The following TRAF3 variants were observed in gnomAD, a reference collection of about 807,000 sequenced individuals.
TRAF3 encodes the protein TNF receptor associated factor 3.
Under a neutral mutation model 62.3 loss-of-function variants are expected in TRAF3, and 13 were observed. That is an observed-to-expected ratio of 0.21 (90% CI 0.14 to 0.33). TRAF3 has a LOEUF of 0.33. Among genes scored for constraint, TRAF3 ranks in the 10% least tolerant of loss-of-function variants. The pLI is 1.00. For missense variants in TRAF3, 440 were observed against 741.8 expected (o/e 0.59, Z 4.73); for synonymous variants, 269 against 283.4 (o/e 0.95, Z 0.51).
chr14:102,782,350 TA>T (rs1052732453), intron 1 of TRAF3, among the ~76,000 whole-genome samples: 1 of 151,902 alleles, frequency 6.6e-6, no homozygotes, highest in African/African-American at 2.4e-5. Context: ...GCTCCTGCCT[TA>T]GCCTCCTAAG....
chr14:102,813,150 T>A (rs1381295212), intron 1 of TRAF3, among the ~76,000 whole-genome samples: 3 of 105,294 alleles, frequency 2.8e-5, no homozygotes, highest in African/African-American at 8.3e-5. Flanking sequence ...TAATTTTGTA[T>A]TTTTAGTAGA....
chr14:102,817,946 C>T (rs1254067861), intron 1 of TRAF3, among the ~76,000 whole-genome samples: 1 of 152,090 alleles, frequency 6.6e-6, no homozygotes, highest in Non-Finnish European at 1.5e-5. Context: ...TCCATTTGTG[C>T]ATCTTAATAG....
At chr14:102,842,129 A>G (rs1021700289) in intron 2 of TRAF3, among the ~76,000 whole-genome samples, 13 of 151,916 alleles carry the variant, frequency 8.6e-5, no homozygotes, top group South Asian at 4.2e-4. Context: ...CTGTAATCCC[A>G]GCTACTCGGG....
chr14:102,895,975 C>T (rs543780130), intron 9 of TRAF3, among the ~76,000 whole-genome samples: 22 of 152,252 alleles, frequency 1.4e-4, no homozygotes, highest in East Asian at 5.8e-4. Flanking sequence ...ATTCTCGTCA[C>T]GCTCTCATTA....
Position 102,911,164 on chromosome 14 carries a change from A to G in TRAF3, c.*5380A>G, listed in dbSNP as rs1312845908. 3.3e-5 allele frequency: 5 copies of G among 152,212 alleles called. No homozygotes were observed. The highest frequency in any genetic ancestry group is 1.2e-4 in the African/African-American group (5 of 41,460). 9.4% of individuals were successfully genotyped at this position (152,212 alleles called of 1,614,324 possible). ...TAGTAGCCGCTTGCTGTGAAGACACATCTTGACAGTCCAAGTGATTTTGTG... is the reference window on the plus strand; with the variant it reads ...TAGTAGCCGCTTGCTGTGAAGACACGTCTTGACAGTCCAAGTGATTTTGTG... On this transcript the variant is annotated 3_prime_UTR_variant, in exon 12 of 12. Coordinates refer to ENST00000392745, the MANE Select transcript of TRAF3 (RefSeq NM_145725.3).
chr14:102,812,140 T>C (rs1899220237), intron 1 of TRAF3, among the ~76,000 whole-genome samples: 1 of 151,832 alleles, frequency 6.6e-6, no homozygotes, highest in Non-Finnish European at 1.5e-5. Context: ...TCTAGCTCTC[T>C]CCCCATTTTT....
rs958158682 is a variant in TRAF3, at chr14:102,826,733, C to T, written c.-156-3601C>T. ...CACCTCACACCTGTTCAGGGTCCGG[C>T]TGGGCTCTGGACATAGGGTGGAAGA... On this transcript the variant is annotated intron_variant, in intron 1 of 11. Transcript: ENST00000392745. The surrounding 1 kb of genome is among the most constrained non-coding windows in gnomAD (Gnocchi z 4.6). Among the ~76,000 whole-genome samples the T allele has an allele frequency of 6.6e-6, 1 of 152,182 alleles. No homozygotes were observed. Among genetic ancestry groups the T allele is most frequent in the African/African-American group, 2.4e-5 (1 of 41,444 alleles).
At chr14:102,840,785 T>A (rs1886330757) in intron 2 of TRAF3, among the ~76,000 whole-genome samples, 1 of 152,192 alleles carries the variant, frequency 6.6e-6, no homozygotes, top group Non-Finnish European at 1.5e-5. Context: ...CTTAAACAAC[T>A]TGAAAACCAG....
intron 1 of TRAF3, among the ~76,000 whole-genome samples, chr14:102,800,904 C>T (rs921422064): frequency 7.2e-5 from 11 of 152,014 alleles, no homozygotes; most frequent in East Asian, 3.9e-4. Flanking sequence ...TCTGGCCGGG[C>T]GCGGTGGCTC....
At chr14:102,845,980 CAAAAA>C (rs35353834) in intron 2 of TRAF3, among the ~76,000 whole-genome samples, 6,893 of 57,022 alleles carry the variant, frequency 0.12, 775 homozygotes, top group African/African-American at 0.31. Context: ...GACCGTGTCT[CAAAAA>C]AAAAAAAAAA....
chr14:102,855,514 G>A (rs1045376201), intron 2 of TRAF3, among the ~76,000 whole-genome samples: 2 of 152,030 alleles, frequency 1.3e-5, no homozygotes, highest in Non-Finnish European at 2.9e-5. Flanking sequence ...AAAAATTATA[G>A]GCCAGGCGCA....
chr14:102,861,758 T>C (rs951351797), intron 2 of TRAF3, among the ~76,000 whole-genome samples: 27 of 152,232 alleles, frequency 1.8e-4, no homozygotes, highest in Admixed American at 5.2e-4. Flanking sequence ...AAGTGGCTAC[T>C]CAATAGGCAG....
At chr14:102,817,370 T>A (rs905765012) in intron 1 of TRAF3, among the ~76,000 whole-genome samples, 1 of 152,064 alleles carries the variant, frequency 6.6e-6, no homozygotes, top group African/African-American at 2.4e-5. Flanking sequence ...GTTAACAGCT[T>A]CTTGAAAGAG....
In TRAF3 at chr14:102,886,276, G is replaced by GCGGCCGGGCC; in HGVS notation, c.651+16_651+25dup. ...GACTCTCCTGAGGAGCGAGGTAGGG[G>GCGGCCGGGCC]CGGCCGGGCCCGGCCGGGAGTCTGT... On this transcript the variant is annotated splice_region_variant and intron_variant, in intron 7 of 11. Coordinates refer to ENST00000392745, the MANE Select transcript of TRAF3 (RefSeq NM_145725.3). The GCGGCCGGGCC allele has an allele frequency of 6.2e-7, 1 of 1,608,394 alleles. No homozygotes were observed. Among genetic ancestry groups the GCGGCCGGGCC allele is most frequent in the East Asian group, 2.2e-5 (1 of 44,798 alleles).
chr14:102,905,170 CG>C, intron 11 of TRAF3, 42 bp from the exon 12 acceptor site: 1 of 1,575,284 alleles, frequency 6.3e-7, no homozygotes, highest in Non-Finnish European at 8.7e-7. Flanking sequence ...ACCTCTCTGA[CG>C]TTCACCTGTC....
intron 2 of TRAF3, among the ~76,000 whole-genome samples, chr14:102,834,349 C>T (rs1384283731): frequency 6.6e-6 from 1 of 152,092 alleles, no homozygotes; most frequent in East Asian, 1.9e-4. Flanking sequence ...GAAAGGACTC[C>T]CTATTCAATC....
At chr14:102,895,235 C>CAAGG in intron 9 of TRAF3, 2 of 375,132 alleles carry the variant, frequency 5.3e-6, no homozygotes, top group Middle Eastern at 3.6e-4. Context: ...ACGTATGAGG[C>CAAGG]AAGGAAGGAA....
At chr14:102,876,084 G>A (rs574562734) in intron 5 of TRAF3, among the ~76,000 whole-genome samples, 1 of 152,140 alleles carries the variant, frequency 6.6e-6, no homozygotes, top group Non-Finnish European at 1.5e-5. Flanking sequence ...AAAATTATTT[G>A]AACTGGAATA....
chr14:102,785,376 T>C lies in TRAF3; in HGVS notation c.-157+7701T>C, dbSNP rs573297113. 1.3e-4 allele frequency among the ~76,000 whole-genome samples: 20 copies of C among 152,362 alleles called. No individual in the cohort carries two copies. In the South Asian group the frequency reaches 3.9e-3, roughly 30 times the overall value. On this transcript the variant is annotated intron_variant, in intron 1 of 11. Transcript: ENST00000392745. ...GGCTCAGATGCTTCTTACAGCTTGC[T>C]GAGTAACAGTCCCTAACCTGATTTG... is the stretch of plus-strand genomic sequence containing the variant.
Sources: gnomAD v4.1 joint callset for allele counts (sites outside exome capture counted in the v4.1 genomes callset) on GRCh38, gnomAD v4.1.1 for gene constraint, Gnocchi (gnomAD v3.1) non-coding constraint, MANE v1.5 for transcripts, NCBI Gene and HGNC (gene_info 2026-07-23, HGNC 2026-07-21) for gene names.